The following CCDC148 variants were observed in gnomAD, a reference collection of about 807,000 sequenced individuals.
CCDC148 encodes coiled-coil domain containing 148.
Under a neutral mutation model 85.7 loss-of-function variants are expected in CCDC148, and 89 were observed. The observed-to-expected ratio is 1.04, with a 90% CI of 0.87 to 1.24. The LOEUF is 1.24. Among genes scored for constraint, CCDC148 ranks in the 50% most tolerant of loss-of-function variants. CCDC148 has a pLI of 0.00. For missense variants in CCDC148, 692 were observed against 671.7 expected (o/e 1.03, Z -0.33); for synonymous variants, 230 against 213.9 (o/e 1.08, Z -0.66).
chr2:158,225,413 A>C (rs948227547), intron 10 of CCDC148, among the ~76,000 whole-genome samples: 10 of 152,130 alleles, frequency 6.6e-5, no homozygotes, highest in African/African-American at 2.4e-4. Flanking sequence ...GAAAGTTAAC[A>C]AGGATATCCA....
At chr2:158,256,250 T>C (rs1689006822) in intron 9 of CCDC148, among the ~76,000 whole-genome samples, 1 of 151,752 alleles carries the variant, frequency 6.6e-6, no homozygotes, top group African/African-American at 2.4e-5. Flanking sequence ...TTGAGACCCA[T>C]CTTTGTCACC....
chr2:158,190,464 A>G (rs1466680323), intron 11 of CCDC148, among the ~76,000 whole-genome samples: 2 of 152,006 alleles, frequency 1.3e-5, no homozygotes, highest in Non-Finnish European at 2.9e-5. Context: ...AACACCTATC[A>G]AGTAGACAAA....
intron 11 of CCDC148, among the ~76,000 whole-genome samples, chr2:158,214,046 G>C (rs1686715635): frequency 6.8e-6 from 1 of 147,022 alleles, no homozygotes; most frequent in Admixed American, 7.0e-5. Flanking sequence ...AAGTGGCAAC[G>C]TTTTGGGATG....
intron 10 of CCDC148, among the ~76,000 whole-genome samples, chr2:158,241,960 C>T (rs1688368673): frequency 6.6e-6 from 1 of 152,130 alleles, no homozygotes; most frequent in Non-Finnish European, 1.5e-5. Flanking sequence ...CTAATCAGTA[C>T]ATTTTGTTGA....
intron 10 of CCDC148, among the ~76,000 whole-genome samples, chr2:158,222,759 TCTAC>T: frequency 6.6e-6 from 1 of 152,302 alleles, no homozygotes; most frequent in Admixed American, 6.5e-5. Flanking sequence ...TATATCACCC[TCTAC>T]CTGTCGTTAT....
intron 9 of CCDC148, chr2:158,288,630 C>G (rs1287840502): frequency 6.0e-5 from 11 of 182,310 alleles, no homozygotes; most frequent in Non-Finnish European, 8.1e-5. Flanking sequence ...TTTGTCAAAA[C>G]CATTCAAAAA....
intron 9 of CCDC148, among the ~76,000 whole-genome samples, chr2:158,299,217 C>G (rs1691333493): frequency 6.6e-6 from 1 of 152,184 alleles, no homozygotes; most frequent in African/African-American, 2.4e-5. Context: ...CTACACCTCC[C>G]CAGGCCTGTG....
At chr2:158,289,039 G>A (rs1178145454) in intron 9 of CCDC148, among the ~76,000 whole-genome samples, 3 of 152,126 alleles carry the variant, frequency 2.0e-5, no homozygotes, top group Admixed American at 6.6e-5. Context: ...GGAAAGATCA[G>A]CCCCCATGAT....
chr2:158,321,548 G>GA (rs1222336978), intron 7 of CCDC148, among the ~76,000 whole-genome samples: 1 of 152,146 alleles, frequency 6.6e-6, no homozygotes, highest in East Asian at 1.9e-4. Context: ...CATTCTCAGA[G>GA]AAAAATGCCA....
intron 9 of CCDC148, among the ~76,000 whole-genome samples, chr2:158,283,181 C>G (rs192829031): frequency 2.6e-5 from 4 of 152,094 alleles, no homozygotes; most frequent in African/African-American, 4.8e-5. Flanking sequence ...AAACCCTAGA[C>G]GAAAACCTAG....
intron 10 of CCDC148, among the ~76,000 whole-genome samples, chr2:158,244,369 T>C (rs1368671540): frequency 1.3e-5 from 2 of 152,176 alleles, no homozygotes; most frequent in African/African-American, 4.8e-5. Flanking sequence ...CATGGTGTGG[T>C]TGGGCTCTCT....
chr2:158,314,269 G>T (rs1692179795), intron 7 of CCDC148, among the ~76,000 whole-genome samples: 1 of 152,130 alleles, frequency 6.6e-6, no homozygotes, highest in Non-Finnish European at 1.5e-5. Context: ...ATTCAACAAG[G>T]TTCCTATGTC....
intron 9 of CCDC148, among the ~76,000 whole-genome samples, chr2:158,273,686 T>C (rs1689798495): frequency 6.6e-6 from 1 of 152,146 alleles, no homozygotes; most frequent in South Asian, 2.1e-4. Context: ...GATTCTGGGT[T>C]CCTTACAGAA....
At chr2:158,298,380 T>C (rs530651115) in intron 9 of CCDC148, among the ~76,000 whole-genome samples, 3 of 152,168 alleles carry the variant, frequency 2.0e-5, no homozygotes, top group Non-Finnish European at 2.9e-5. Context: ...CTTAAAAATA[T>C]AGGTTGATGT....
chr2:158,184,601 C>T (rs1190185573), intron 11 of CCDC148, among the ~76,000 whole-genome samples: 1 of 152,094 alleles, frequency 6.6e-6, no homozygotes, highest in Non-Finnish European at 1.5e-5. Context: ...CAGATTGCTA[C>T]AGAATCATGG....
At chr2:158,280,189 G>A (rs7590993) in intron 9 of CCDC148, among the ~76,000 whole-genome samples, 17 of 152,050 alleles carry the variant, frequency 1.1e-4, no homozygotes, top group Non-Finnish European at 2.2e-4. Flanking sequence ...AATGTAAAGA[G>A]CATCGAGACT....
Position 158,313,871 on chromosome 2 carries a change from T to A in CCDC148, c.788A>T (p.Asp263Val), listed in dbSNP as rs765846475. Residue 263 changes from aspartate to valine, a missense_variant, in exon 8 of 14, where the codon GAC (aspartate) becomes GTC (valine). Coordinates refer to ENST00000283233, the MANE Select transcript of CCDC148 (RefSeq NM_138803.4). ...CAAAATAGCCTGGTAAATCCAGTGG[T>A]CTTCTTCACTTAGTTGACAGTTTCT... ...IYRNCQLSEE[D>V]HWIYQAILDQ... 1.2e-6 allele frequency: 2 copies of A among 1,612,728 alleles called. No individual in the cohort carries two copies. Among genetic ancestry groups the A allele is most frequent in the African/African-American group, 2.7e-5 (2 of 74,874 alleles).
chr2:158,278,693 G>A (rs568693756), intron 9 of CCDC148, among the ~76,000 whole-genome samples: 2 of 152,254 alleles, frequency 1.3e-5, no homozygotes, highest in Non-Finnish European at 2.9e-5. Context: ...CCGCCTCTGG[G>A]GGCAGGGCAC....
At chr2:158,254,270 A>T (rs1438756420) in intron 9 of CCDC148, among the ~76,000 whole-genome samples, 1 of 151,682 alleles carries the variant, frequency 6.6e-6, no homozygotes, top group Non-Finnish European at 1.5e-5. Context: ...GATGCTATTA[A>T]GGAAATATTG....
Sources: allele counts gnomAD v4.1 joint callset (sites outside exome capture counted in the v4.1 genomes callset), GRCh38; gene constraint gnomAD v4.1.1; transcripts MANE v1.5; gene names NCBI Gene and HGNC (gene_info 2026-07-23, HGNC 2026-07-21).